Variants in GDAP1L1 observed in about 807,000 individuals in gnomAD.
GDAP1L1 encodes ganglioside induced differentiation associated protein 1 like 1, also known as ganglioside-induced differentiation-associated protein 1-like 1.
In GDAP1L1, 21 loss-of-function variants were observed where a neutral mutation model predicts 37.1. That is an observed-to-expected ratio of 0.57 (90% CI 0.40 to 0.81). The LOEUF is 0.81. GDAP1L1 is among the 40% of genes least tolerant of loss of function. GDAP1L1 has a pLI of 0.00. For missense variants in GDAP1L1, 362 were observed against 491.6 expected (o/e 0.74, Z 2.49); for synonymous variants, 193 against 209.1 (o/e 0.92, Z 0.67).
At position 44,258,681 on chromosome 20, in the gene GDAP1L1, T is replaced by C; in HGVS notation, c.547+74T>C. 9.8e-6 allele frequency: 11 copies of C among 1,119,604 alleles called. No individual in the cohort carries two copies. In the South Asian group the frequency reaches 1.6e-4, roughly 17 times the overall value. 69.4% of individuals were successfully genotyped at this position (1,119,604 alleles called of 1,614,324 possible). A position where few individuals can be genotyped will look rare whatever the true frequency, so the allele number is the denominator to read the frequency against. On this transcript the variant is annotated intron_variant, in intron 3 of 5. Coordinates refer to ENST00000342560, the MANE Select transcript of GDAP1L1 (RefSeq NM_024034.6). ...CGCTCCTTTCTTCCAAAGGATGTCC[T>C]CCCTCTCCTGGGCCTCTCTCTGTCC...
At chr20:44,277,329 T>C (rs2062593719) in intron 5 of GDAP1L1, among the ~76,000 whole-genome samples, 1 of 152,130 alleles carries the variant, frequency 6.6e-6, no homozygotes, top group African/African-American at 2.4e-5. Flanking sequence ...TGAGCAAAGA[T>C]GTGAAGGAGG....
intron 5 of GDAP1L1, among the ~76,000 whole-genome samples, chr20:44,267,501 T>C (rs1027062431): frequency 6.6e-6 from 1 of 151,578 alleles, no homozygotes; most frequent in African/African-American, 2.4e-5. Flanking sequence ...ATCCCAGTTA[T>C]GTGGGAGGCT....
At chr20:44,254,522 A>G (rs142715045) in intron 1 of GDAP1L1, among the ~76,000 whole-genome samples, 2 of 152,228 alleles carry the variant, frequency 1.3e-5, no homozygotes, top group East Asian at 1.9e-4. Context: ...TGAATGTAGT[A>G]GTGTCAGCTT....
intron 3 of GDAP1L1, 116 bp downstream of exon 3, chr20:44,258,723 T>G: frequency 1.4e-6 from 1 of 733,790 alleles, no homozygotes; most frequent in African/African-American, 1.8e-5. Flanking sequence ...TCCTCCTCCT[T>G]CTCTCCCTCT....
chr20:44,271,691 T>C (rs1005480993), intron 5 of GDAP1L1, among the ~76,000 whole-genome samples: 2 of 151,800 alleles, frequency 1.3e-5, no homozygotes, highest in East Asian at 1.9e-4. Context: ...GGACAGGAGA[T>C]GTACAAATGT....
At chr20:44,273,524 G>T (rs1192819581) in intron 5 of GDAP1L1, among the ~76,000 whole-genome samples, 3 of 152,204 alleles carry the variant, frequency 2.0e-5, no homozygotes, top group Non-Finnish European at 2.9e-5. Flanking sequence ...ATCATTAGGA[G>T]AACTTTCGTG....
chr20:44,277,456 C>T (rs890345910), intron 5 of GDAP1L1, among the ~76,000 whole-genome samples: 5 of 152,154 alleles, frequency 3.3e-5, no homozygotes, highest in African/African-American at 9.7e-5. Context: ...TCCAATGTGG[C>T]TGGAGAAGAG....
chr20:44,266,311 C>T (rs2073760912), intron 5 of GDAP1L1, among the ~76,000 whole-genome samples: 1 of 148,974 alleles, frequency 6.7e-6, no homozygotes, highest in South Asian at 2.2e-4. Flanking sequence ...CCATCCCCTG[C>T]CCCCCAACCA....
At chr20:44,273,933 ACCCAC>A (rs1323082546) in intron 5 of GDAP1L1, among the ~76,000 whole-genome samples, 2 of 152,026 alleles carry the variant, frequency 1.3e-5, no homozygotes, top group African/African-American at 4.8e-5. Context: ...CCCCACAACG[ACCCAC>A]CCACTGTATA....
At chr20:44,269,974 G>T (rs1238285206) in intron 5 of GDAP1L1, among the ~76,000 whole-genome samples, 1 of 152,168 alleles carries the variant, frequency 6.6e-6, no homozygotes, top group African/African-American at 2.4e-5. Context: ...AGATATTCCA[G>T]ACTGACTCTC....
chr20:44,262,655 G>C (rs1391381990), intron 3 of GDAP1L1, among the ~76,000 whole-genome samples: 3 of 145,452 alleles, frequency 2.1e-5, no homozygotes, highest in East Asian at 2.0e-4. Flanking sequence ...CTGTACCATA[G>C]AGTTTATTTT....
intron 2 of GDAP1L1, among the ~76,000 whole-genome samples, chr20:44,257,901 CA>C (rs1173662695): frequency 2.0e-5 from 3 of 151,980 alleles, no homozygotes; most frequent in Non-Finnish European, 4.4e-5. Flanking sequence ...CCCAGAACCC[CA>C]TGGACAGGGG....
Position 44,280,721 on chromosome 20 carries a change from A to C in GDAP1L1, c.*1421A>C, listed in dbSNP as rs2062631032. The C allele has an allele frequency of 6.6e-6, 1 of 152,172 alleles. No individual in the cohort carries two copies. The highest frequency in any genetic ancestry group is 2.4e-5 in the African/African-American group (1 of 41,406). The allele number at this position is 152,172 out of a possible 1,614,324, so 9.4% of individuals were successfully genotyped here. On this transcript the variant is annotated 3_prime_UTR_variant, in exon 6 of 6. Coordinates refer to ENST00000342560, the MANE Select transcript of GDAP1L1 (RefSeq NM_024034.6). Reference sequence around the variant, plus strand: ...GGCGGGAGAATTGCTCCAGGCCAGGAGTTCAAGACAAGCCTGGGCAATATA... The same window carrying C: ...GGCGGGAGAATTGCTCCAGGCCAGGCGTTCAAGACAAGCCTGGGCAATATA...
intron 1 of GDAP1L1, among the ~76,000 whole-genome samples, chr20:44,252,456 A>G (rs2073463310): frequency 6.6e-6 from 1 of 152,036 alleles, no homozygotes; most frequent in African/African-American, 2.4e-5. Context: ...CCTGACCAAC[A>G]TGGTGAAATC....
intron 1 of GDAP1L1, among the ~76,000 whole-genome samples, chr20:44,249,639 C>T (rs1485142573): frequency 3.9e-5 from 6 of 152,212 alleles, no homozygotes; most frequent in Non-Finnish European, 7.3e-5. Context: ...TCCTATGTAG[C>T]GTGAGCTCAG....
rs532090807 is a variant in GDAP1L1, at chr20:44,259,059, C to T, written c.547+452C>T. On this transcript the variant is annotated intron_variant, in intron 3 of 5. Coordinates refer to ENST00000342560, the MANE Select transcript of GDAP1L1 (RefSeq NM_024034.6). ...GCCTTAGACAGTCAGGGCTGTGCTT[C>T]GTGGCCAAGGGCTCTGAGTGACCTC... Among the ~76,000 whole-genome samples, 14 of 151,882 alleles carry T rather than the reference C, an allele frequency of 9.2e-5. No individual in the cohort carries two copies. The East Asian group carries it at 1.8e-3, about 19-fold the overall frequency.
chr20:44,249,573 C>G (rs903770019), intron 1 of GDAP1L1, among the ~76,000 whole-genome samples: 2 of 152,204 alleles, frequency 1.3e-5, no homozygotes, highest in Non-Finnish European at 2.9e-5. Flanking sequence ...AGGGAGGTGG[C>G]ATCTCCCACA....
At chr20:44,273,269 A>G (rs949583853) in intron 5 of GDAP1L1, among the ~76,000 whole-genome samples, 1 of 152,154 alleles carries the variant, frequency 6.6e-6, no homozygotes, top group Admixed American at 6.5e-5. Flanking sequence ...AGGGAATTAT[A>G]CCACACTGTC....
At position 44,271,387 on chromosome 20, in the gene GDAP1L1, G is replaced by A. The variant is rs566641882; in HGVS notation, c.760+6828G>A. Among the ~76,000 whole-genome samples the A allele has an allele frequency of 2.8e-4, 42 of 152,324 alleles. No individual in the cohort carries two copies. In the East Asian group the frequency reaches 3.5e-3, roughly 13 times the overall value. On this transcript the variant is annotated intron_variant, in intron 5 of 5. Transcript: ENST00000342560. ...GAAGACCCACATGTTAGGAGGAACC[G>A]TGGGAGGATTGGGTTTTAAGGAGAC... is the stretch of plus-strand genomic sequence containing the variant.
Sources: allele counts gnomAD v4.1 joint callset (sites outside exome capture counted in the v4.1 genomes callset), GRCh38; gene constraint gnomAD v4.1.1; transcripts MANE v1.5; gene names NCBI Gene and HGNC (gene_info 2026-07-23, HGNC 2026-07-21).